ADGRF5: variants seen among roughly 807,000 people sequenced by gnomAD.
The protein encoded by ADGRF5 is G-protein coupled receptor 116.
In ADGRF5, 75 loss-of-function variants were observed where a neutral mutation model predicts 132.3. The observed-to-expected ratio is 0.57, with a 90% confidence interval of 0.47 to 0.69. ADGRF5 has a LOEUF of 0.69. Ranked by LOEUF, ADGRF5 falls within the 30% of genes least tolerant of loss-of-function variation. The probability of loss-of-function intolerance (pLI) is 0.00; values close to 1 mark genes in which losing one functional copy is unlikely to be tolerated. For missense variants in ADGRF5, 1,516 were observed against 1,630.6 expected, an observed-to-expected ratio of 0.93 and a Z score of 1.21; for synonymous variants, 629 against 597.6, an observed-to-expected ratio of 1.05 and a Z score of -0.77.
chr6:46,885,334 G>T, intron 4 of ADGRF5, among the ~76,000 whole-genome samples: 1 of 152,052 alleles, frequency 6.6e-6, no homozygotes, highest in East Asian at 1.9e-4. Flanking sequence ...GAGACCCTGA[G>T]CCAGAACCAC....
intron 15 of ADGRF5, among the ~76,000 whole-genome samples, chr6:46,862,459 T>A (rs912487027): frequency 6.6e-6 from 1 of 152,154 alleles, no homozygotes; most frequent in Non-Finnish European, 1.5e-5. Context: ...TGTAAGAGCA[T>A]CAAGCCCAGC....
At chr6:46,871,752 T>C in intron 11 of ADGRF5, 91 bp downstream of exon 11, 1 of 850,646 alleles carries the variant, frequency 1.2e-6, no homozygotes, top group Non-Finnish European at 1.8e-6. Context: ...ATTATTTTGC[T>C]CATAGATATT....
intron 10 of ADGRF5, among the ~76,000 whole-genome samples, chr6:46,876,475 T>A (rs1771671393): frequency 6.6e-6 from 1 of 152,262 alleles, no homozygotes; most frequent in African/African-American, 2.4e-5. Context: ...ATGTATCATG[T>A]GTCAACATTT....
Position 46,879,924 on chromosome 6 carries a change from C to T in ADGRF5, c.930G>A (p.Gln310=), listed in dbSNP as rs757602730. Residue 310 remains glutamine, a synonymous_variant, in exon 9 of 21, where the codon CAG becomes CAA. Coordinates refer to ENST00000283296, the MANE Select transcript of ADGRF5 (RefSeq NM_001098518.2). ...ATCTGCTGCTGTTCTGGATTTCCAA[C>T]TGCTGTTCTTCATAGCGCCAAGACA... ...SNVSWRYEEQ[Q]LEIQNSSRFS... 26 of 1,613,924 alleles carry T rather than the reference C, an allele frequency of 1.6e-5. No homozygotes were observed. Among genetic ancestry groups the T allele is most frequent in the Non-Finnish European group, 2.2e-5 (26 of 1,179,914 alleles).
intron 12 of ADGRF5, 22 bp downstream of exon 12, chr6:46,868,861 C>G: frequency 6.8e-7 from 1 of 1,470,976 alleles, no homozygotes; most frequent in Non-Finnish European, 9.5e-7. Flanking sequence ...CAGCACAATA[C>G]GGTGTCCGGC....
At position 46,919,521 on chromosome 6, in the gene ADGRF5, G is replaced by T. The variant is rs143847236; in HGVS notation, c.-25+2192C>A. ...AACGTGAGGAGGTGGGACCCCATGG[G>T]ATATTTTTAACTGCTCCAAAATGCC... On this transcript the variant is annotated intron_variant, in intron 1 of 20. Coordinates refer to ENST00000283296, the MANE Select transcript of ADGRF5 (RefSeq NM_001098518.2). Among the ~76,000 whole-genome samples the T allele has an allele frequency of 3.2e-3, 483 of 152,314 alleles. 3 individuals are homozygous for T. Among genetic ancestry groups the T allele is most frequent in the Middle Eastern group, 0.031 (9 of 294 alleles).
In ADGRF5 at chr6:46,858,714, G is replaced by A. The variant is rs556188596; in HGVS notation, c.3189C>T (p.Val1063=). ...CGACCACAATGAACCAGGTGTTGGCGACCAGAAGGGAGGCAGCGATATTCA... is the reference window on the plus strand; with the variant it reads ...CGACCACAATGAACCAGGTGTTGGCAACCAGAAGGGAGGCAGCGATATTCA... The part of the protein sequence containing the change: ...CIVNIAASLL[V]ANTWFIVVAA... Residue 1063 remains valine, a synonymous_variant, in exon 17 of 21, where the codon GTC becomes GTT. Coordinates refer to ENST00000283296, the MANE Select transcript of ADGRF5 (RefSeq NM_001098518.2). 3.7e-5 allele frequency: 60 copies of A among 1,614,058 alleles called. No individual in the cohort carries two copies. The East Asian group carries it at 5.4e-4, about 14-fold the overall frequency.
At chr6:46,874,661 A>G (rs1320405166) in intron 10 of ADGRF5, among the ~76,000 whole-genome samples, 1 of 152,166 alleles carries the variant, frequency 6.6e-6, no homozygotes, top group Non-Finnish European at 1.5e-5. Context: ...GAGTAAATCC[A>G]TACTCCTTGG....
At chr6:46,927,420 T>C (rs866421478) in intron 1 of ADGRF5, among the ~76,000 whole-genome samples, 96 of 152,174 alleles carry the variant, frequency 6.3e-4, no homozygotes, top group African/African-American at 2.2e-3. Flanking sequence ...GACTTAGAAT[T>C]CAGATCTTGT....
intron 16 of ADGRF5, 89 bp downstream of exon 16, chr6:46,860,626 C>T: frequency 1.1e-6 from 1 of 885,674 alleles, no homozygotes. Flanking sequence ...AGAGAAGCTG[C>T]AATGGGGAGG....
At chr6:46,864,148 C>T (rs1770103294) in intron 14 of ADGRF5, among the ~76,000 whole-genome samples, 2 of 152,212 alleles carry the variant, frequency 1.3e-5, no homozygotes, top group Admixed American at 6.5e-5. Flanking sequence ...CTTGTCTTAA[C>T]ATAAGATTCT....
Position 46,883,219 on chromosome 6 carries a change from A to G in ADGRF5, c.612+340T>C, listed in dbSNP as rs79818908. ...CTGCCCAAAAGTTGTTAGGGGTTTCATTCATGTGATATATGAATAATAGAA... is the reference window on the plus strand; with the variant it reads ...CTGCCCAAAAGTTGTTAGGGGTTTCGTTCATGTGATATATGAATAATAGAA... On this transcript the variant is annotated intron_variant, in intron 6 of 20. Transcript: ENST00000283296. 7.6e-3 allele frequency among the ~76,000 whole-genome samples: 1,163 copies of G among 152,338 alleles called. 11 individuals carry two copies. Among genetic ancestry groups the G allele is most frequent in the African/African-American group, 0.026 (1,090 of 41,562 alleles).
chr6:46,947,693 C>T (rs1441483355), intron 1 of ADGRF5, among the ~76,000 whole-genome samples: 1 of 152,228 alleles, frequency 6.6e-6, no homozygotes, highest in Non-Finnish European at 1.5e-5. Context: ...CATTCGCAAC[C>T]TGCCCTGTGA....
rs768791222 is a variant in ADGRF5, at chr6:46,888,457, A to T, written c.206T>A (p.Ile69Asn). The T allele has an allele frequency of 5.0e-6, 8 of 1,613,118 alleles. No homozygotes were observed. In the Admixed American group the frequency reaches 1.2e-4, roughly 24 times the overall value. ...TAEEYTVNIE[I>N]SFENASFLDP... ...CAGGAAGGATGCATTTTCAAAACTG[A>T]TCTCAATATTAACAGTGTATTCTTC... The change falls in exon 4 of 21, where the codon ATC (isoleucine) becomes AAC (asparagine). Residue 69 changes from isoleucine (I) to asparagine (N), a missense_variant. Ile to Asn is a moderately radical substitution (Grantham distance 149). Around this residue, in one of 2 missense-constraint regions of ADGRF5, gnomAD observed 945 missense variants for 929.4 expected, o/e 1.02. Coordinates refer to ENST00000283296, the MANE Select transcript of ADGRF5 (RefSeq NM_001098518.2).
intron 3 of ADGRF5, among the ~76,000 whole-genome samples, chr6:46,899,678 T>G (rs78067070): frequency 7.0e-6 from 1 of 143,790 alleles, no homozygotes; most frequent in Non-Finnish European, 1.5e-5. Context: ...GTTTGTTTTG[T>G]TTTTTTTTTT....
intron 1 of ADGRF5, among the ~76,000 whole-genome samples, chr6:46,919,419 T>C (rs928507310): frequency 6.6e-6 from 1 of 152,212 alleles, no homozygotes; most frequent in African/African-American, 2.4e-5. Flanking sequence ...ATAAAAGTCT[T>C]TTGATAACTA....
At position 46,859,455 on chromosome 6, in the gene ADGRF5, C is replaced by T; in HGVS notation, c.2448G>A (p.Gln816=). 1 of 1,613,552 alleles carries T rather than the reference C, an allele frequency of 6.2e-7. No homozygotes were observed. The change falls in exon 17 of 21, where the codon CAG becomes CAA. Residue 816 remains glutamine, a synonymous_variant. Transcript: ENST00000283296. ...GCTGTGAACTCTGATTGGTCCATTG[C>T]TGTTGTAAAACCTTCCAGGTGTTCA... ...PVLNTWKVLQ[Q]QWTNQSSQLL...
intron 2 of ADGRF5, 113 bp downstream of exon 2, chr6:46,906,548 T>C (rs555364366): frequency 5.9e-6 from 4 of 675,802 alleles, no homozygotes. Flanking sequence ...GGGAAGAATG[T>C]TTTTTCTCCC....
intron 10 of ADGRF5, among the ~76,000 whole-genome samples, chr6:46,877,089 T>C (rs1213202004): frequency 2.0e-5 from 3 of 152,226 alleles, no homozygotes; most frequent in African/African-American, 7.2e-5. Flanking sequence ...ATGCAGTTTC[T>C]AGGTAAAACA....
Sources: gnomAD v4.1 joint callset for allele counts (sites outside exome capture counted in the v4.1 genomes callset) on GRCh38, gnomAD v4.1.1 for gene constraint, gnomAD v4.1.1 regional missense constraint, MANE v1.5 for transcripts, NCBI Gene and HGNC (gene_info 2026-07-23, HGNC 2026-07-21) for gene names.